GLUD1: variants seen among roughly 807,000 people sequenced by gnomAD.
GLUD1 encodes glutamate dehydrogenase 1, mitochondrial.
A neutral mutation model predicts 56.0 loss-of-function variants in GLUD1; 22 were observed. The ratio of observed to expected loss-of-function variants is 0.39; its 90% CI spans 0.28 to 0.56. GLUD1 has a LOEUF of 0.56. Among genes scored for constraint, GLUD1 ranks in the 20% least tolerant of loss-of-function variants. The pLI, the probability that GLUD1 is intolerant of heterozygous loss-of-function variation, is 0.58. For missense variants in GLUD1, 451 were observed against 732.0 expected, an observed-to-expected ratio of 0.62 and a Z score of 4.43; for synonymous variants, 223 against 269.9, an observed-to-expected ratio of 0.83 and a Z score of 1.70.
At chr10:87,058,289 AC>A (rs1317500751) in intron 10 of GLUD1, among the ~76,000 whole-genome samples, 1 of 152,176 alleles carries the variant, frequency 6.6e-6, no homozygotes, top group East Asian at 1.9e-4. Context: ...TTTCCATAAC[AC>A]CCATTACCAG....
At chr10:87,080,872 A>C (rs1589377973) in intron 1 of GLUD1, among the ~76,000 whole-genome samples, 1 of 131,708 alleles carries the variant, frequency 7.6e-6, no homozygotes. Context: ...CCGCCCGGCC[A>C]GCCGCCCCGT....
intron 4 of GLUD1, among the ~76,000 whole-genome samples, chr10:87,073,622 T>C (rs1363066614): frequency 7.3e-6 from 1 of 136,076 alleles, no homozygotes; most frequent in East Asian, 2.1e-4. Context: ...TTTTTTTTTT[T>C]TTTTTTTTTT....
At chr10:87,079,947 C>A (rs1390478966) in intron 1 of GLUD1, among the ~76,000 whole-genome samples, 1 of 132,194 alleles carries the variant, frequency 7.6e-6, no homozygotes, top group Admixed American at 7.3e-5. Flanking sequence ...TCTCCCTCTC[C>A]CCACGGTCTC....
In GLUD1 at chr10:87,094,048, C is replaced by G; in HGVS notation, c.445+277G>C. The G allele has an allele frequency of 6.7e-7, 1 of 1,503,510 alleles. No individual in the cohort carries two copies. 93.1% of individuals were successfully genotyped at this position (1,503,510 alleles called of 1,614,324 possible). A position where few individuals can be genotyped will look rare whatever the true frequency, so the allele number is the denominator to read the frequency against. On this transcript the variant is annotated intron_variant, in intron 1 of 12. Transcript: ENST00000277865. This position sits in a 1 kb window ranked among gnomAD's most constrained non-coding sequence, Gnocchi z 6.6. Reference sequence around the variant, plus strand: ...CACAGACACCGGGACCAAAAGGAGACCGGTGCAGCGTCTACTCTGCATGCA... The same window carrying G: ...CACAGACACCGGGACCAAAAGGAGAGCGGTGCAGCGTCTACTCTGCATGCA...
At chr10:87,081,946 C>CAAAAAAAAAAAAAAAAAAAAAAAAAAAA (rs71019464) in intron 1 of GLUD1, among the ~76,000 whole-genome samples, 1 of 85,666 alleles carries the variant, frequency 1.2e-5, no homozygotes, top group Non-Finnish European at 2.5e-5. Context: ...ATGATCAATA[C>CAAAAAAAAAAAAAAAAAAAAAAAAAAAA]AAAAAAAAAA....
At chr10:87,060,635 C>T in intron 8 of GLUD1, 53 bp downstream of exon 8, 3 of 1,608,876 alleles carry the variant, frequency 1.9e-6, no homozygotes, top group Admixed American at 3.3e-5. Flanking sequence ...CTATGACCCC[C>T]CTAACGTCAT....
At chr10:87,084,617 T>A (rs368006486) in intron 1 of GLUD1, among the ~76,000 whole-genome samples, 1 of 152,186 alleles carries the variant, frequency 6.6e-6, no homozygotes, top group East Asian at 1.9e-4. Context: ...TAACAAAACA[T>A]TTATGAAAAT....
In GLUD1 at chr10:87,094,281, C is replaced by T. The variant is rs1841649174; in HGVS notation, c.445+44G>A. On this transcript the variant is annotated intron_variant, in intron 1 of 12. Coordinates refer to ENST00000277865, the MANE Select transcript of GLUD1 (RefSeq NM_005271.5). The surrounding 1 kb of genome is among the most constrained non-coding windows in gnomAD (Gnocchi z 6.6). ...GGCAGGAGGCCGGAGGGGAGGGCCG[C>T]AGGGGAGGCAGGGAGGGCGGGACGG... is the stretch of plus-strand genomic sequence containing the variant. 6.4e-7 allele frequency: 1 copy of T among 1,555,854 alleles called. No homozygotes were observed. Among genetic ancestry groups the T allele is most frequent in the Admixed American group, 1.9e-5 (1 of 51,936 alleles).
Position 87,051,970 on chromosome 10 carries a change from A to T in GLUD1, c.1558-100T>A. On this transcript the variant is annotated intron_variant, in intron 12 of 12. Transcript: ENST00000277865. ...CAGGCCTGGTCCAAGTTACCCTCTC[A>T]TTGTTTCAAGGCAGGACTTGGGCAG... 6 of 1,380,848 alleles carry T rather than the reference A, an allele frequency of 4.3e-6. No individual in the cohort carries two copies. In the Admixed American group the frequency reaches 8.4e-5, roughly 19 times the overall value. 85.5% of individuals were successfully genotyped at this position (1,380,848 alleles called of 1,614,324 possible). A position where few individuals can be genotyped will look rare whatever the true frequency, so the allele number is the denominator to read the frequency against.
chr10:87,055,414 C>T (rs1415012109), intron 11 of GLUD1, among the ~76,000 whole-genome samples: 1 of 152,028 alleles, frequency 6.6e-6, no homozygotes, highest in Non-Finnish European at 1.5e-5. Context: ...AGGGAGAGAG[C>T]TTGAGAAAAC....
At chr10:87,056,115 C>CAAAAAAA (rs201114912) in intron 11 of GLUD1, among the ~76,000 whole-genome samples, 5 of 62,772 alleles carry the variant, frequency 8.0e-5, no homozygotes, top group Admixed American at 2.1e-4. Flanking sequence ...GACTCTGTCT[C>CAAAAAAA]AAAAAAAAAA....
chr10:87,067,250 T>C (rs752331248), intron 5 of GLUD1, among the ~76,000 whole-genome samples: 1 of 152,254 alleles, frequency 6.6e-6, no homozygotes, highest in Non-Finnish European at 1.5e-5. Flanking sequence ...TACTTTTTTT[T>C]TGTTTTGAGA....
In GLUD1 at chr10:87,057,898, G is replaced by A. The variant is rs186808007; in HGVS notation, c.1403-116C>T. ...CCCAAAAACTTATACAGACAGAGTC[G>A]TGGTCTGTCACCCAGGCTGGAGTGT... On this transcript the variant is annotated intron_variant, in intron 10 of 12. Coordinates refer to ENST00000277865, the MANE Select transcript of GLUD1 (RefSeq NM_005271.5). 32 of 672,952 alleles carry A rather than the reference G, an allele frequency of 4.8e-5. No homozygotes were observed. In the Admixed American group the frequency reaches 5.0e-4, roughly 11 times the overall value. The allele number at this position is 672,952 out of a possible 1,614,324, so 41.7% of individuals were successfully genotyped here.
In GLUD1 at chr10:87,064,946, G is replaced by A. The variant is rs566548396; in HGVS notation, c.742-2111C>T. ...CCACCTACACTGCACTTCTAGGTGG[G>A]GCTAGGACAAAGAGGGCGGCACGTT... On this transcript the variant is annotated intron_variant, in intron 5 of 12. Transcript: ENST00000277865. Among the ~76,000 whole-genome samples, 13 of 152,266 alleles carry A rather than the reference G, an allele frequency of 8.5e-5. 1 individual carries two copies. The East Asian group carries it at 1.4e-3, about 16-fold the overall frequency.
chr10:87,091,864 T>G (rs1253494927), intron 1 of GLUD1, among the ~76,000 whole-genome samples: 2 of 152,014 alleles, frequency 1.3e-5, no homozygotes, highest in African/African-American at 2.4e-5. Flanking sequence ...GATGAGGTTT[T>G]TTTTTTTGGC....
chr10:87,055,092 C>T (rs1845732787), intron 11 of GLUD1, among the ~76,000 whole-genome samples: 1 of 152,188 alleles, frequency 6.6e-6, no homozygotes, highest in Non-Finnish European at 1.5e-5. Flanking sequence ...AGTATGACTG[C>T]TGGGCAGCTC....
chr10:87,094,026 A>T lies in GLUD1; in HGVS notation c.445+299T>A. On this transcript the variant is annotated intron_variant, in intron 1 of 12. Transcript: ENST00000277865. The surrounding 1 kb of genome is among the most constrained non-coding windows in gnomAD (Gnocchi z 6.6). ...CGGCAGGACCCGCCGTGTGTGACAC[A>T]GACACCGGGACCAAAAGGAGACCGG... 1 of 1,485,296 alleles carries T rather than the reference A, an allele frequency of 6.7e-7. No individual in the cohort carries two copies. Among genetic ancestry groups the T allele is most frequent in the South Asian group, 1.2e-5 (1 of 82,812 alleles). 92.0% of individuals were successfully genotyped at this position (1,485,296 alleles called of 1,614,324 possible).
chr10:87,067,933 T>A, intron 5 of GLUD1, 130 bp downstream of exon 5: 3 of 683,844 alleles, frequency 4.4e-6, no homozygotes. Context: ...CATAAAATAA[T>A]ATGCACATCA....
At chr10:87,053,651 A>T (rs1845695631) in intron 11 of GLUD1, among the ~76,000 whole-genome samples, 2 of 152,240 alleles carry the variant, frequency 1.3e-5, no homozygotes. Context: ...AAATAAGATT[A>T]TAGTACAACA....
Sources: gnomAD v4.1 joint callset for allele counts (sites outside exome capture counted in the v4.1 genomes callset) on GRCh38, gnomAD v4.1.1 for gene constraint, Gnocchi (gnomAD v3.1) non-coding constraint, MANE v1.5 for transcripts, NCBI Gene and HGNC (gene_info 2026-07-23, HGNC 2026-07-21) for gene names.